Variants in EVA1A observed in about 807,000 individuals in gnomAD.
EVA1A encodes eva-1 homolog A, regulator of programmed cell death.
A neutral mutation model predicts 9.8 loss-of-function variants in EVA1A; 7 were observed. That is an observed-to-expected ratio of 0.71 (90% CI 0.41 to 1.34). The LOEUF (loss-of-function observed/expected upper bound fraction) is 1.34, where lower values mean the gene tolerates loss of function less well. EVA1A is among the 40% of genes most tolerant of loss of function. The probability of loss-of-function intolerance (pLI) is 0.01; values close to 1 mark genes in which losing one functional copy is unlikely to be tolerated. For missense variants in EVA1A, 206 were observed against 205.9 expected (o/e 1.00, Z 0.00); for synonymous variants, 90 against 85.6 (o/e 1.05, Z -0.28).
At chr2:75,548,117 T>G (rs1676393965) in intron 1 of EVA1A, among the ~76,000 whole-genome samples, 2 of 152,216 alleles carry the variant, frequency 1.3e-5, no homozygotes, top group Admixed American at 6.5e-5. Flanking sequence ...TGCCTGTCTT[T>G]CCTAGCTCAT....
At chr2:75,517,774 A>G (rs1254411651) in intron 3 of EVA1A, 1 of 717,944 alleles carries the variant, frequency 1.4e-6, no homozygotes, top group Non-Finnish European at 2.6e-6. Flanking sequence ...GCATAGTGAC[A>G]GAAGCCAACA....
At chr2:75,550,521 T>C (rs1676485326) in intron 1 of EVA1A, among the ~76,000 whole-genome samples, 1 of 152,158 alleles carries the variant, frequency 6.6e-6, no homozygotes, top group African/African-American at 2.4e-5. Flanking sequence ...TACATCATGC[T>C]CTATTGAGGA....
At chr2:75,527,187 C>T (rs1572968127) in intron 1 of EVA1A, among the ~76,000 whole-genome samples, 1 of 152,188 alleles carries the variant, frequency 6.6e-6, no homozygotes, top group African/African-American at 2.4e-5. Flanking sequence ...CTCATCCACA[C>T]CCACACCCAC....
chr2:75,502,040 C>G lies in EVA1A; in HGVS notation c.86-8431G>C, dbSNP rs114931283. Reference sequence around the variant, plus strand: ...AGAGAAAGATGACACGACAGAGAAACAGTACATCAGTTACACTTGCTTTAT... The same window carrying G: ...AGAGAAAGATGACACGACAGAGAAAGAGTACATCAGTTACACTTGCTTTAT... On this transcript the variant is annotated intron_variant, in intron 3 of 3. Transcript: ENST00000393913. 1.8e-3 allele frequency among the ~76,000 whole-genome samples: 281 copies of G among 152,326 alleles called. 5 individuals are homozygous for G. Among genetic ancestry groups the G allele is most frequent in the African/African-American group, 6.5e-3 (271 of 41,580 alleles).
chr2:75,551,146 A>C (rs924583507), intron 1 of EVA1A, among the ~76,000 whole-genome samples: 110 of 152,208 alleles, frequency 7.2e-4, no homozygotes, highest in Non-Finnish European at 9.7e-4. Flanking sequence ...CAAAACAAAA[A>C]AAACCAAAAA....
At chr2:75,510,276 T>C (rs962534547) in intron 3 of EVA1A, among the ~76,000 whole-genome samples, 3 of 152,134 alleles carry the variant, frequency 2.0e-5, no homozygotes, top group Admixed American at 2.0e-4. Flanking sequence ...AAGTTAAATA[T>C]TAAAAAATTT....
At chr2:75,550,844 G>A (rs1380373655) in intron 1 of EVA1A, among the ~76,000 whole-genome samples, 1 of 152,104 alleles carries the variant, frequency 6.6e-6, no homozygotes. Context: ...TGCTGGTCGG[G>A]CAGGCACGGT....
chr2:75,511,160 A>T (rs1674797811), intron 3 of EVA1A, among the ~76,000 whole-genome samples: 1 of 152,224 alleles, frequency 6.6e-6, no homozygotes, highest in Non-Finnish European at 1.5e-5. Context: ...GTTTGAAAAC[A>T]CTGCTGCAGG....
intron 1 of EVA1A, among the ~76,000 whole-genome samples, 156 bp downstream of exon 1, chr2:75,560,524 C>A (rs931373737): frequency 3.9e-5 from 6 of 152,176 alleles, no homozygotes; most frequent in Admixed American, 3.9e-4. Flanking sequence ...GGGACCCAGC[C>A]TACAACACCT....
chr2:75,551,757 A>G (rs73938967), intron 1 of EVA1A, among the ~76,000 whole-genome samples: 11 of 152,356 alleles, frequency 7.2e-5, no homozygotes, highest in African/African-American at 2.6e-4. Context: ...TGAGAGGATT[A>G]ATACACGTAA....
chr2:75,507,364 C>G (rs971044105), intron 3 of EVA1A, among the ~76,000 whole-genome samples: 6 of 152,208 alleles, frequency 3.9e-5, no homozygotes, highest in Admixed American at 6.5e-5. Flanking sequence ...TCTATGCCTA[C>G]CAACCATCTA....
intron 1 of EVA1A, among the ~76,000 whole-genome samples, chr2:75,565,958 G>A (rs1558697952): frequency 6.6e-6 from 1 of 152,094 alleles, no homozygotes; most frequent in African/African-American, 2.4e-5. Flanking sequence ...GGAGAAATGA[G>A]GACAACCTTT....
At chr2:75,547,932 C>G (rs1676388188) in intron 1 of EVA1A, among the ~76,000 whole-genome samples, 1 of 152,228 alleles carries the variant, frequency 6.6e-6, no homozygotes, top group Non-Finnish European at 1.5e-5. Context: ...TTGTCTGTGG[C>G]TCCTTTTGCA....
At position 75,493,313 on chromosome 2, in the gene EVA1A, C is replaced by A. The variant is rs781690577; in HGVS notation, c.382G>T (p.Glu128Ter). The change falls in exon 4 of 4, where the codon GAG (glutamate) becomes TAG (stop). Residue 128 changes from glutamate to a stop codon, truncating the protein, a stop_gained. Coordinates refer to ENST00000393913, the MANE Select transcript of EVA1A (RefSeq NM_001135032.2). LOFTEE classifies it high-confidence loss of function. The stretch of plus-strand genomic sequence containing the variant: ...ATCCAGATCTCCCTGATGATGCGCT[C>A]GCGCTCCTCCAGCCGCTGGGCGCGC... ...LERAQRLEERERIIREIWMNG... is the reference protein window; with the variant it reads ...LERAQRLEER 1 of 1,613,988 alleles carries A rather than the reference C, an allele frequency of 6.2e-7. No individual in the cohort carries two copies. The highest frequency in any genetic ancestry group is 1.3e-5 in the African/African-American group (1 of 74,948).
chr2:75,504,409 TCAAA>T (rs551410332), intron 3 of EVA1A, among the ~76,000 whole-genome samples: 263 of 152,088 alleles, frequency 1.7e-3, no homozygotes, highest in African/African-American at 5.6e-3. Flanking sequence ...AGACTCTGCC[TCAAA>T]CAAACAAACA....
chr2:75,498,203 A>G (rs1558669841), intron 3 of EVA1A, among the ~76,000 whole-genome samples: 1 of 150,900 alleles, frequency 6.6e-6, no homozygotes, highest in East Asian at 1.9e-4. Flanking sequence ...GCTGAAGGCC[A>G]TTATCTTAAG....
At chr2:75,532,242 A>C (rs6727519) in intron 1 of EVA1A, among the ~76,000 whole-genome samples, 32,752 of 150,982 alleles carry the variant, frequency 0.22, 4,649 homozygotes, top group African/African-American at 0.4. Flanking sequence ...TGAAATAAAA[A>C]ACATTTTAAA....
At chr2:75,534,135 A>G (rs2103908687) in intron 1 of EVA1A, among the ~76,000 whole-genome samples, 1 of 152,184 alleles carries the variant, frequency 6.6e-6, no homozygotes, top group South Asian at 2.1e-4. Context: ...GCTACTCAGG[A>G]TGTTGAGACA....
chr2:75,526,490 T>C (rs1314671294), intron 1 of EVA1A, among the ~76,000 whole-genome samples: 1 of 152,220 alleles, frequency 6.6e-6, no homozygotes, highest in African/African-American at 2.4e-5. Context: ...TAGATGCTAT[T>C]ATCCTTGTTT....
Sources: gnomAD v4.1 joint callset for allele counts (sites outside exome capture counted in the v4.1 genomes callset) on GRCh38, gnomAD v4.1.1 for gene constraint, MANE v1.5 for transcripts, NCBI Gene and HGNC (gene_info 2026-07-23, HGNC 2026-07-21) for gene names.